Variants in ADAMTS12 observed in about 807,000 individuals in gnomAD.
The protein encoded by ADAMTS12 is A disintegrin and metalloproteinase with thrombospondin motifs 12.
ADAMTS12 carries 118 observed loss-of-function variants against 167.8 expected under a neutral mutation model. That is an observed-to-expected ratio of 0.70 (90% CI 0.61 to 0.82). ADAMTS12 has a LOEUF of 0.82. ADAMTS12 is among the 40% of genes least tolerant of loss of function. ADAMTS12 has a pLI of 0.00. For synonymous variants in ADAMTS12, 704 were observed against 716.9 expected (o/e 0.98, Z 0.29); for missense variants, 1,916 against 1,998.8 (o/e 0.96, Z 0.79).
intron 2 of ADAMTS12, among the ~76,000 whole-genome samples, chr5:33,820,827 T>C (rs1747842118): frequency 6.6e-6 from 1 of 152,162 alleles, no homozygotes; most frequent in African/African-American, 2.4e-5. Flanking sequence ...TGCAAGGACA[T>C]GGATGGAGCT....
intron 22 of ADAMTS12, among the ~76,000 whole-genome samples, chr5:33,541,527 A>G (rs1744696236): frequency 6.6e-6 from 1 of 152,204 alleles, no homozygotes; most frequent in African/African-American, 2.4e-5. Context: ...TAAGACACAT[A>G]ATTGTCAGAT....
intron 2 of ADAMTS12, among the ~76,000 whole-genome samples, chr5:33,775,458 T>G (rs1467144235): frequency 6.6e-6 from 1 of 152,182 alleles, no homozygotes; most frequent in African/African-American, 2.4e-5. Flanking sequence ...ATGTTTAATT[T>G]ACATACCATC....
intron 9 of ADAMTS12, among the ~76,000 whole-genome samples, chr5:33,644,924 G>A (rs1239181553): frequency 2.0e-5 from 3 of 152,040 alleles, no homozygotes; most frequent in Non-Finnish European, 2.9e-5. Flanking sequence ...TAGAGACGGG[G>A]TTTCACAGTG....
intron 1 of ADAMTS12, among the ~76,000 whole-genome samples, chr5:33,886,297 TAGTA>T (rs1269707386): frequency 6.6e-6 from 1 of 152,240 alleles, no homozygotes; most frequent in African/African-American, 2.4e-5. Flanking sequence ...ATAATAATTA[TAGTA>T]AGTGTTTCAT....
chr5:33,867,046 T>C (rs1749850721), intron 2 of ADAMTS12, among the ~76,000 whole-genome samples: 2 of 152,092 alleles, frequency 1.3e-5, no homozygotes, highest in South Asian at 4.2e-4. Context: ...TGGAAAACAG[T>C]ATGGAAATTT....
chr5:33,712,558 G>A (rs2112319932), intron 3 of ADAMTS12, among the ~76,000 whole-genome samples: 1 of 152,260 alleles, frequency 6.6e-6, no homozygotes, highest in East Asian at 1.9e-4. Flanking sequence ...GGTACTGAGT[G>A]AAGTAGTTAC....
intron 2 of ADAMTS12, among the ~76,000 whole-genome samples, chr5:33,754,330 G>C (rs977353933): frequency 1.3e-5 from 2 of 152,224 alleles, no homozygotes; most frequent in African/African-American, 4.8e-5. Flanking sequence ...CTTTAAAGGA[G>C]AATGGAAATG....
chr5:33,860,093 A>G (rs1749551557), intron 2 of ADAMTS12, among the ~76,000 whole-genome samples: 1 of 151,600 alleles, frequency 6.6e-6, no homozygotes, highest in Non-Finnish European at 1.5e-5. Flanking sequence ...CAAAAACCAG[A>G]ATGCCTCTTC....
intron 2 of ADAMTS12, among the ~76,000 whole-genome samples, chr5:33,784,268 C>T (rs982640403): frequency 6.6e-6 from 1 of 151,792 alleles, no homozygotes; most frequent in Admixed American, 6.6e-5. Context: ...TGATAAAAGA[C>T]AGAATGCTTT....
chr5:33,624,487 T>A (rs1739484950), intron 13 of ADAMTS12, 136 bp from the exon 14 acceptor site: 1 of 1,279,968 alleles, frequency 7.8e-7, no homozygotes, highest in Admixed American at 2.6e-5. Flanking sequence ...AAATGTTTGT[T>A]CCTGGTGGCA....
intron 18 of ADAMTS12, among the ~76,000 whole-genome samples, chr5:33,581,952 C>T (rs1747085186): frequency 6.6e-6 from 1 of 152,062 alleles, no homozygotes; most frequent in East Asian, 1.9e-4. Context: ...GACGTCAAAC[C>T]ACCAGAAGCT....
intron 11 of ADAMTS12, among the ~76,000 whole-genome samples, chr5:33,639,029 G>A (rs1315928010): frequency 6.6e-6 from 1 of 151,976 alleles, no homozygotes. Context: ...GTTCGAATTT[G>A]GTATTATCTT....
intron 14 of ADAMTS12, among the ~76,000 whole-genome samples, chr5:33,622,282 T>G (rs988880708): frequency 6.6e-6 from 1 of 152,136 alleles, no homozygotes; most frequent in Admixed American, 6.5e-5. Flanking sequence ...GGACAACAAC[T>G]CTGGTTTTCA....
At chr5:33,675,516 C>T (rs1170907527) in intron 5 of ADAMTS12, among the ~76,000 whole-genome samples, 2 of 152,208 alleles carry the variant, frequency 1.3e-5, no homozygotes, top group Admixed American at 6.5e-5. Context: ...AGTCTACTCT[C>T]AAAATCTTTC....
chr5:33,627,136 G>T (rs933990013), intron 13 of ADAMTS12, among the ~76,000 whole-genome samples: 2 of 149,430 alleles, frequency 1.3e-5, no homozygotes, highest in African/African-American at 4.9e-5. Flanking sequence ...GTGATGTGGT[G>T]GTGGTGGTGG....
In ADAMTS12 at chr5:33,733,433, T is replaced by C. The variant is rs114870955; in HGVS notation, c.634+17971A>G. On this transcript the variant is annotated intron_variant, in intron 3 of 23. Transcript: ENST00000504830. ...ATCTATGCCTCAGTTTTCTCATCTG[T>C]GAAATGGGGATAATAACAGCCTCTA... Among the ~76,000 whole-genome samples, 1,433 of 152,236 alleles carry C rather than the reference T, an allele frequency of 9.4e-3. 26 individuals are homozygous for C. Among genetic ancestry groups the C allele is most frequent in the African/African-American group, 0.033 (1,381 of 41,514 alleles).
chr5:33,724,708 T>TAC (rs1743917986), intron 3 of ADAMTS12, among the ~76,000 whole-genome samples: 3 of 151,858 alleles, frequency 2.0e-5, no homozygotes, highest in Non-Finnish European at 4.4e-5. Context: ...CCCGCCACCG[T>TAC]GCCCGGCTAA....
chr5:33,753,183 T>C lies in ADAMTS12; in HGVS notation c.490-1635A>G, dbSNP rs914939822. Among the ~76,000 whole-genome samples the C allele has an allele frequency of 2.0e-5, 3 of 152,334 alleles. No homozygotes were observed. The East Asian group carries it at 5.8e-4, about 29-fold the overall frequency. ...TGAGGTGAAGCTTGTAAAAGTGCCATGCAAACTGCTTTATAAATGCAGAGG... is the reference window on the plus strand; with the variant it reads ...TGAGGTGAAGCTTGTAAAAGTGCCACGCAAACTGCTTTATAAATGCAGAGG... On this transcript the variant is annotated intron_variant, in intron 2 of 23. Coordinates refer to ENST00000504830, the MANE Select transcript of ADAMTS12 (RefSeq NM_030955.4).
intron 5 of ADAMTS12, among the ~76,000 whole-genome samples, chr5:33,668,342 T>C (rs1741545739): frequency 6.6e-6 from 1 of 152,196 alleles, no homozygotes; most frequent in African/African-American, 2.4e-5. Context: ...ACTGAATGCA[T>C]ATAATTTTCT....
Sources: allele counts gnomAD v4.1 joint callset (sites outside exome capture counted in the v4.1 genomes callset), GRCh38; gene constraint gnomAD v4.1.1; transcripts MANE v1.5; gene names NCBI Gene and HGNC (gene_info 2026-07-23, HGNC 2026-07-21).